ASIP: variants seen among roughly 807,000 people sequenced by gnomAD.
ASIP encodes the protein agouti-signaling protein.
ASIP carries 11 observed loss-of-function variants against 10.3 expected under a neutral mutation model. The observed-to-expected ratio is 1.07, with a 90% confidence interval of 0.68 to 1.78. The LOEUF is 1.78. Among genes scored for constraint, ASIP ranks in the 40% most tolerant of loss-of-function variants. The probability of loss-of-function intolerance (pLI) is 0.00; values close to 1 mark genes in which losing one functional copy is unlikely to be tolerated. For missense variants in ASIP, 180 were observed against 169.2 expected, an observed-to-expected ratio of 1.06 and a Z score of -0.35; for synonymous variants, 70 against 70.8, an observed-to-expected ratio of 0.99 and a Z score of 0.06.
At chr20:34,261,272 G>T (rs1469349802) in intron 2 of ASIP, among the ~76,000 whole-genome samples, 1 of 152,066 alleles carries the variant, frequency 6.6e-6, no homozygotes, top group Non-Finnish European at 1.5e-5. Context: ...CTGGAGGCAT[G>T]AGGATTGTTT....
chr20:34,225,003 C>T (rs1212748554), intron 1 of ASIP, among the ~76,000 whole-genome samples: 1 of 138,768 alleles, frequency 7.2e-6, no homozygotes, highest in African/African-American at 2.7e-5. Flanking sequence ...GGCAGCCCTA[C>T]CACTAGGCTT....
At chr20:34,264,785 C>T (rs1601617785) in intron 3 of ASIP, among the ~76,000 whole-genome samples, 1 of 134,382 alleles carries the variant, frequency 7.4e-6, no homozygotes, top group African/African-American at 2.9e-5. Flanking sequence ...CCCTAGTTTA[C>T]TTCATTTTTT....
At chr20:34,266,859 G>T (rs941121917) in intron 3 of ASIP, among the ~76,000 whole-genome samples, 3 of 152,138 alleles carry the variant, frequency 2.0e-5, no homozygotes, top group African/African-American at 7.2e-5. Context: ...ATTAACACAG[G>T]TTCCCACTTT....
chr20:34,217,045 T>C (rs1241124515), intron 1 of ASIP, among the ~76,000 whole-genome samples: 10 of 152,102 alleles, frequency 6.6e-5, no homozygotes, highest in Non-Finnish European at 1.5e-4. Context: ...ATCTAGTAAG[T>C]GTCTGAGGAA....
chr20:34,208,375 GAC>G (rs1568746747), intron 1 of ASIP, among the ~76,000 whole-genome samples: 3 of 151,982 alleles, frequency 2.0e-5, no homozygotes, highest in East Asian at 1.9e-4. Context: ...TTGTTTTTGA[GAC>G]ACAGTCTCCC....
At chr20:34,223,425 C>T (rs796753720) in intron 1 of ASIP, among the ~76,000 whole-genome samples, 16,397 of 140,706 alleles carry the variant, frequency 0.12, 527 homozygotes, top group South Asian at 0.21. Flanking sequence ...GGAGCCTCTC[C>T]GCCCGGCAGC....
In ASIP at chr20:34,241,428, A is replaced by C. The variant is rs1212103383; in HGVS notation, c.-72A>C. 1.0e-6 allele frequency: 1 copy of C among 984,826 alleles called. No individual in the cohort carries two copies. The highest frequency in any genetic ancestry group is 1.2e-6 in the Non-Finnish European group (1 of 829,506). The allele number at this position is 984,826 out of a possible 1,614,324, so 61.0% of individuals were successfully genotyped here. ...GAAGTTATAGATGAGCAAGCAGCAA[A>C]TCTCTACAGCTGCAAGGTGAAAAAG... On this transcript the variant is annotated 5_prime_UTR_variant, in exon 1 of 4. Transcript: ENST00000374954.
At chr20:34,232,952 T>G (rs1222548984) in intron 1 of ASIP, among the ~76,000 whole-genome samples, 2 of 152,128 alleles carry the variant, frequency 1.3e-5, no homozygotes, top group Non-Finnish European at 2.9e-5. Context: ...ACATTAACTG[T>G]TCCCTACCTC....
At chr20:34,194,713 A>C (rs1354520214) in exon 1 of ASIP, 1 of 152,110 alleles carries the variant, frequency 6.6e-6, no homozygotes, top group Non-Finnish European at 1.5e-5. Flanking sequence ...TTGACCACAG[A>C]GAGCAGCCAC....
intron 2 of ASIP, among the ~76,000 whole-genome samples, chr20:34,262,503 G>A (rs2035710467): frequency 6.6e-6 from 1 of 152,168 alleles, no homozygotes; most frequent in Non-Finnish European, 1.5e-5. Context: ...GATGAAGGAA[G>A]GGGCACCTGG....
chr20:34,237,528 T>A (rs1490616303), upstream of ASIP, among the ~76,000 whole-genome samples: 3 of 152,242 alleles, frequency 2.0e-5, no homozygotes, highest in African/African-American at 7.2e-5. Context: ...CTAAACTGAT[T>A]TATTAGTTCT....
chr20:34,253,774 G>A (rs993785273), intron 1 of ASIP, among the ~76,000 whole-genome samples: 3 of 152,002 alleles, frequency 2.0e-5, no homozygotes, highest in Non-Finnish European at 2.9e-5. Flanking sequence ...CCTTAAAACT[G>A]AGAAAGCTGA....
chr20:34,244,510 CTTAGAAAATATGA>C (rs1476254968), intron 1 of ASIP, among the ~76,000 whole-genome samples: 2 of 152,160 alleles, frequency 1.3e-5, no homozygotes. Flanking sequence ...TCCAAGTAAT[CTTAGAAAATATGA>C]TTCTTTAAAC....
At chr20:34,235,866 A>G (rs1018671712) in intron 1 of ASIP, among the ~76,000 whole-genome samples, 71 of 36,874 alleles carry the variant, frequency 1.9e-3, no homozygotes, top group African/African-American at 0.01. Context: ...GGAAGGAAGG[A>G]AAGGAAGGAA....
Position 34,262,877 on chromosome 20 carries a change from A to G in ASIP, c.206A>G (p.Lys69Arg), listed in dbSNP as rs1387180139. Residue 69 changes from lysine to arginine, a missense_variant, in exon 3 of 4, where the codon AAG (lysine) becomes AGG (arginine). Lys to Arg is a conservative substitution (Grantham distance 26). Coordinates refer to ENST00000374954, the MANE Select transcript of ASIP (RefSeq NM_001672.3). Reference protein sequence around the residue: ...SKQIGRKAAEKKRSSKKEASM... With the variant: ...SKQIGRKAAERKRSSKKEASM... The stretch of plus-strand genomic sequence containing the variant: ...CAGATCGGCAGAAAAGCAGCAGAAA[A>G]GAAAAGATCTTCTAAGGTAAGGGCA... The G allele has an allele frequency of 6.2e-7, 1 of 1,614,002 alleles. No individual in the cohort carries two copies. Among genetic ancestry groups the G allele is most frequent in the East Asian group, 2.2e-5 (1 of 44,896 alleles).
chr20:34,194,024 T>C (rs1016271810), upstream of ASIP, among the ~76,000 whole-genome samples: 12 of 152,146 alleles, frequency 7.9e-5, no homozygotes, highest in African/African-American at 2.7e-4. Context: ...GAAAAACAGA[T>C]ATCCCCAAGC....
intron 1 of ASIP, chr20:34,246,532 C>G (rs2035378658): frequency 3.3e-5 from 35 of 1,068,332 alleles, no homozygotes; most frequent in Non-Finnish European, 5.0e-5. Context: ...ATTCAGAAAT[C>G]TCAGCTCACT....
chr20:34,220,002 A>G (rs895438669), intron 1 of ASIP, among the ~76,000 whole-genome samples: 8 of 152,184 alleles, frequency 5.3e-5, no homozygotes, highest in Non-Finnish European at 1.2e-4. Flanking sequence ...AGGCAGGAGA[A>G]TGGCATGAAC....
chr20:34,252,565 G>A (rs1286998135), intron 1 of ASIP, among the ~76,000 whole-genome samples: 1 of 152,172 alleles, frequency 6.6e-6, no homozygotes, highest in Non-Finnish European at 1.5e-5. Flanking sequence ...AGAATAAAAT[G>A]AATGGGAATG....
Sources: allele counts gnomAD v4.1 joint callset (sites outside exome capture counted in the v4.1 genomes callset), GRCh38; gene constraint gnomAD v4.1.1; transcripts MANE v1.5; gene names NCBI Gene and HGNC (gene_info 2026-07-23, HGNC 2026-07-21).